The following SMG6 variants were observed in gnomAD, a reference collection of about 807,000 sequenced individuals.
SMG6 encodes SMG6 nonsense mediated mRNA decay factor.
A neutral mutation model predicts 142.2 loss-of-function variants in SMG6; 66 were observed. That is an observed-to-expected ratio of 0.46 (90% CI 0.38 to 0.57). The LOEUF (loss-of-function observed/expected upper bound fraction) is 0.57, where lower values mean the gene tolerates loss of function less well. Among genes scored for constraint, SMG6 ranks in the 20% least tolerant of loss-of-function variants. SMG6 has a pLI of 0.00. For missense variants in SMG6, 1,793 were observed against 1,832.0 expected, an observed-to-expected ratio of 0.98 and a Z score of 0.39; for synonymous variants, 779 against 702.4, an observed-to-expected ratio of 1.11 and a Z score of -1.72.
In SMG6 at chr17:2,171,557, G is replaced by A. The variant is rs1456239818; in HGVS notation, c.3357+1101C>T. Among the ~76,000 whole-genome samples the A allele has an allele frequency of 4.0e-5, 6 of 151,574 alleles. No homozygotes were observed. The East Asian group carries it at 7.7e-4, about 20-fold the overall frequency. ...AAACTGTTTGTTTGCTTGTTTGCTT[G>A]TAGAGACAGGTTTCTCATGTTGCCA... On this transcript the variant is annotated intron_variant, in intron 13 of 18. Transcript: ENST00000263073.
At chr17:2,294,806 G>GT (rs1359322907) in intron 4 of SMG6, among the ~76,000 whole-genome samples, 3 of 151,424 alleles carry the variant, frequency 2.0e-5, no homozygotes, top group Non-Finnish European at 2.9e-5. Flanking sequence ...CAGGAGCACG[G>GT]TTTTTTTTCA....
intron 6 of SMG6, among the ~76,000 whole-genome samples, chr17:2,285,696 C>T (rs1421978302): frequency 6.6e-6 from 1 of 151,766 alleles, no homozygotes; most frequent in East Asian, 1.9e-4. Context: ...TTTTTTGAGA[C>T]GAAGTCTCGC....
Position 2,299,207 on chromosome 17 carries a change from G to C in SMG6, c.1546C>G (p.Pro516Ala). 6.2e-7 allele frequency: 1 copy of C among 1,613,710 alleles called. No individual in the cohort carries two copies. The highest frequency in any genetic ancestry group is 8.5e-7 in the Non-Finnish European group (1 of 1,179,842). ...NPYYYPRTPG[P>A]ASQYPYTGYN... ...CCCGTATAGGGATACTGGGAGGCAG[G>C]GCCTGGTGTCCGGGGGTAATAATAG... The change falls in exon 2 of 19, where the codon CCT becomes GCT. Residue 516 changes from proline to alanine, a missense_variant. This residue lies in a region of SMG6 where 1,597 missense variants were observed against 1,584.6 expected (regional missense o/e 1.01). Coordinates refer to ENST00000263073, the MANE Select transcript of SMG6 (RefSeq NM_017575.5). This position sits in a 1 kb window ranked among gnomAD's most constrained non-coding sequence, Gnocchi z 4.3.
At chr17:2,139,048 C>G (rs2070390534) in intron 13 of SMG6, among the ~76,000 whole-genome samples, 1 of 152,118 alleles carries the variant, frequency 6.6e-6, no homozygotes, top group Non-Finnish European at 1.5e-5. Flanking sequence ...TCAAGGCCAG[C>G]AGAACAAGCC....
chr17:2,282,900 G>C, intron 7 of SMG6, 41 bp from the exon 8 acceptor site: 1 of 1,594,814 alleles, frequency 6.3e-7, no homozygotes, highest in Non-Finnish European at 8.6e-7. Flanking sequence ...GCCTGGTGTG[G>C]TGGCTCACGC....
chr17:2,122,036 G>A (rs1458045193), intron 13 of SMG6, among the ~76,000 whole-genome samples: 1 of 152,106 alleles, frequency 6.6e-6, no homozygotes, highest in Admixed American at 6.6e-5. Context: ...GTTTCACCAT[G>A]TTGGCCAGGA....
chr17:2,238,879 A>G (rs573923657), intron 9 of SMG6, among the ~76,000 whole-genome samples: 36 of 149,764 alleles, frequency 2.4e-4, no homozygotes, highest in African/African-American at 9.2e-4. Flanking sequence ...AAAACAAAAG[A>G]AAAAACTGAA....
chr17:2,171,029 C>T (rs952407994), intron 13 of SMG6, among the ~76,000 whole-genome samples: 1 of 152,140 alleles, frequency 6.6e-6, no homozygotes, highest in Non-Finnish European at 1.5e-5. Flanking sequence ...AATCCCAGCA[C>T]TTTGGGAGAC....
chr17:2,097,615 T>C (rs1450817541), intron 13 of SMG6, among the ~76,000 whole-genome samples: 1 of 152,202 alleles, frequency 6.6e-6, no homozygotes, highest in Non-Finnish European at 1.5e-5. Flanking sequence ...CCAATGCTTC[T>C]AATTCGGTTC....
intron 13 of SMG6, among the ~76,000 whole-genome samples, chr17:2,152,949 A>G (rs2070872111): frequency 6.6e-6 from 1 of 152,230 alleles, no homozygotes; most frequent in Non-Finnish European, 1.5e-5. Context: ...TGGTGAATGG[A>G]TAAACAAATC....
intron 10 of SMG6, among the ~76,000 whole-genome samples, chr17:2,231,644 C>G (rs915826230): frequency 6.6e-6 from 1 of 152,080 alleles, no homozygotes; most frequent in Non-Finnish European, 1.5e-5. Flanking sequence ...TTGCAGTGAG[C>G]CGAGATCGCA....
At position 2,061,468 on chromosome 17, in the gene SMG6, G is replaced by T. The variant is rs558385917; in HGVS notation, c.*24C>A. 2.3e-4 allele frequency: 360 copies of T among 1,565,296 alleles called. 1 individual carries two copies. Among genetic ancestry groups the T allele is most frequent in the African/African-American group, 1.7e-3 (125 of 74,068 alleles). ...TGGCCTTTCAGGAACGGTTCCACGGGGGGGGGGCCCCAGTGTGGCTCCCTC... is the reference window on the plus strand; with the variant it reads ...TGGCCTTTCAGGAACGGTTCCACGGTGGGGGGGCCCCAGTGTGGCTCCCTC... On this transcript the variant is annotated 3_prime_UTR_variant, in exon 19 of 19. Coordinates refer to ENST00000263073, the MANE Select transcript of SMG6 (RefSeq NM_017575.5).
intron 10 of SMG6, among the ~76,000 whole-genome samples, chr17:2,206,881 C>A (rs2072697635): frequency 6.6e-6 from 1 of 150,482 alleles, no homozygotes; most frequent in Non-Finnish European, 1.5e-5. Flanking sequence ...GAGTGAGACA[C>A]CTTCTCAAAT....
intron 14 of SMG6, among the ~76,000 whole-genome samples, chr17:2,082,697 C>T (rs1226035626): frequency 6.6e-6 from 1 of 152,194 alleles, no homozygotes; most frequent in Admixed American, 6.5e-5. Flanking sequence ...GCCATCACTC[C>T]CTGGGTGGTC....
At chr17:2,302,536 G>A (rs917786780) in intron 1 of SMG6, among the ~76,000 whole-genome samples, 5 of 152,284 alleles carry the variant, frequency 3.3e-5, no homozygotes, top group Admixed American at 6.5e-5. Flanking sequence ...GCTAGACTCC[G>A]TCTCAAAAAA....
chr17:2,242,608 C>G (rs1010372030), intron 9 of SMG6, among the ~76,000 whole-genome samples: 2 of 136,206 alleles, frequency 1.5e-5, no homozygotes, highest in African/African-American at 5.7e-5. Flanking sequence ...GCCACGAGTT[C>G]AAGGCTATAG....
intron 10 of SMG6, among the ~76,000 whole-genome samples, chr17:2,214,721 T>C (rs1027869002): frequency 1.3e-5 from 2 of 152,222 alleles, no homozygotes; most frequent in Non-Finnish European, 2.9e-5. Flanking sequence ...TTAAATTCCA[T>C]GTGTCTCCTG....
chr17:2,073,793 A>G (rs1286106927), intron 15 of SMG6, among the ~76,000 whole-genome samples: 2 of 150,972 alleles, frequency 1.3e-5, no homozygotes, highest in African/African-American at 2.4e-5. Context: ...AAAATATAAA[A>G]ATTAGCCAGG....
chr17:2,208,997 A>G (rs1053658629), intron 10 of SMG6, among the ~76,000 whole-genome samples: 5 of 152,064 alleles, frequency 3.3e-5, no homozygotes, highest in Non-Finnish European at 5.9e-5. Flanking sequence ...CTGGGCAACA[A>G]AGTGAGACTC....
Sources: gnomAD v4.1 joint callset for allele counts (sites outside exome capture counted in the v4.1 genomes callset) on GRCh38, gnomAD v4.1.1 for gene constraint, gnomAD v4.1.1 regional missense constraint, Gnocchi (gnomAD v3.1) non-coding constraint, MANE v1.5 for transcripts, NCBI Gene and HGNC (gene_info 2026-07-23, HGNC 2026-07-21) for gene names.